Variants in NCKAP5 observed in about 807,000 individuals in gnomAD.
The protein encoded by NCKAP5 is nck-associated protein 5.
In NCKAP5, 92 loss-of-function variants were observed where a neutral mutation model predicts 167.0. The ratio of observed to expected loss-of-function variants is 0.55; its 90% CI spans 0.47 to 0.66. NCKAP5 has a LOEUF of 0.66. Among genes scored for constraint, NCKAP5 ranks in the 30% least tolerant of loss-of-function variants. The pLI is 0.00. For synonymous variants in NCKAP5, 891 were observed against 877.4 expected, an observed-to-expected ratio of 1.02 and a Z score of -0.27; for missense variants, 2,378 against 2,315.0, an observed-to-expected ratio of 1.03 and a Z score of -0.56.
In NCKAP5 at chr2:132,725,614, C is replaced by T. The variant is rs770854710; in HGVS notation, c.5713+13G>A. 1.9e-5 allele frequency: 31 copies of T among 1,601,844 alleles called. No homozygotes were observed. The Middle Eastern group carries it at 8.3e-4, about 43-fold the overall frequency. On this transcript the variant is annotated intron_variant, in intron 19 of 19. Coordinates refer to ENST00000409261, the MANE Select transcript of NCKAP5 (RefSeq NM_207363.3). ...GAGGAACCTGCAGGGCCAGCAAGTT[C>T]GCTGGTTGTTACCTGGGGCAGCGCT...
chr2:133,219,612 G>A (rs2086573831), intron 4 of NCKAP5, among the ~76,000 whole-genome samples: 1 of 151,714 alleles, frequency 6.6e-6, no homozygotes, highest in African/African-American at 2.4e-5. Context: ...GGTTTCCAAT[G>A]CTAAAACACA....
intron 2 of NCKAP5, among the ~76,000 whole-genome samples, chr2:133,535,365 T>C (rs1320047595): frequency 6.6e-6 from 1 of 152,136 alleles, no homozygotes; most frequent in Admixed American, 6.5e-5. Context: ...GTTTAACTCC[T>C]GCTTTTAAGT....
chr2:133,590,938 AG>A, the NCKAP5 span, among the ~76,000 whole-genome samples: 2 of 149,174 alleles, frequency 1.3e-5, no homozygotes, highest in African/African-American at 2.5e-5. Context: ...AGAGAGAGAG[AG>A]AGAGAGTGTT....
At chr2:133,531,236 T>C (rs1685336868) in intron 2 of NCKAP5, among the ~76,000 whole-genome samples, 1 of 152,120 alleles carries the variant, frequency 6.6e-6, no homozygotes, top group Non-Finnish European at 1.5e-5. Flanking sequence ...ATAAATATTT[T>C]ATTAATAACT....
chr2:132,949,647 T>A (rs2076124105), intron 8 of NCKAP5, among the ~76,000 whole-genome samples: 1 of 152,158 alleles, frequency 6.6e-6, no homozygotes, highest in Non-Finnish European at 1.5e-5. Flanking sequence ...TCAGTAGCCC[T>A]CATCTCCTAA....
rs375516676 is a variant in NCKAP5, at chr2:133,567,657, C to CTCTGTGTG, written c.-130+558_-130+559insCACACAGA. 8.2e-3 allele frequency among the ~76,000 whole-genome samples: 1,068 copies of CTCTGTGTG among 130,978 alleles called. 17 individuals are homozygous for CTCTGTGTG. Among genetic ancestry groups the CTCTGTGTG allele is most frequent in the African/African-American group, 0.022 (783 of 35,974 alleles). 85.9% of individuals were successfully genotyped at this position (130,978 alleles called of 152,430 possible). On this transcript the variant is annotated intron_variant, in intron 1 of 19. Transcript: ENST00000409261. ...TACACATTCCTGAGGATGAATGAGCCTGTGTGTGTGTGTGTGTGTGTGTGT... is the reference window on the plus strand; with the variant it reads ...TACACATTCCTGAGGATGAATGAGCCTCTGTGTGTGTGTGTGTGTGTGTGTGTGTGTGT...
intron 16 of NCKAP5, among the ~76,000 whole-genome samples, chr2:132,737,892 C>A (rs1574041737): frequency 6.6e-6 from 1 of 152,208 alleles, no homozygotes; most frequent in East Asian, 1.9e-4. Context: ...TCCATGATTG[C>A]TCTTATTCTA....
At chr2:132,903,409 A>T (rs559503599) in intron 8 of NCKAP5, among the ~76,000 whole-genome samples, 73 of 152,290 alleles carry the variant, frequency 4.8e-4, no homozygotes, top group African/African-American at 1.6e-3. Context: ...CATAGTTTTA[A>T]CTTTATTAAC....
At chr2:133,594,945 C>T in the NCKAP5 span, among the ~76,000 whole-genome samples, 1 of 152,126 alleles carries the variant, frequency 6.6e-6, no homozygotes, top group Admixed American at 6.5e-5. Flanking sequence ...AATGAGACAA[C>T]ATCCCACCCT....
At chr2:133,451,425 G>A (rs921740207) in intron 3 of NCKAP5, among the ~76,000 whole-genome samples, 2 of 152,142 alleles carry the variant, frequency 1.3e-5, no homozygotes, top group East Asian at 1.9e-4. Context: ...ATCCTTTTCA[G>A]TAATCAACTT....
chr2:133,603,505 G>A, the NCKAP5 span, among the ~76,000 whole-genome samples: 215 of 152,040 alleles, frequency 1.4e-3, no homozygotes, highest in Non-Finnish European at 2.7e-3. Context: ...GATTACAGGC[G>A]TGAGCCACCG....
At chr2:133,430,149 C>T (rs528777136) in intron 3 of NCKAP5, among the ~76,000 whole-genome samples, 155 of 152,100 alleles carry the variant, frequency 1.0e-3, no homozygotes, top group South Asian at 4.1e-3. Context: ...ATGTCCTTTG[C>T]TCTTCTTGAT....
chr2:132,732,746 C>T lies in NCKAP5; in HGVS notation c.5129-695G>A, dbSNP rs116613996. 6.6e-3 allele frequency among the ~76,000 whole-genome samples: 1,010 copies of T among 152,260 alleles called. 14 individuals carry two copies. The highest frequency in any genetic ancestry group is 0.022 in the African/African-American group (934 of 41,548). The stretch of plus-strand genomic sequence containing the variant: ...AATGAGAACACATAAATTGAAGTGA[C>T]GTCCTAACAATGGTAATTGTGTATC... On this transcript the variant is annotated intron_variant, in intron 16 of 19. Transcript: ENST00000409261.
Position 133,078,491 on chromosome 2 carries a change from C to T in NCKAP5, c.341+51487G>A, listed in dbSNP as rs375679075. Among the ~76,000 whole-genome samples the T allele has an allele frequency of 1.4e-4, 21 of 152,152 alleles. No homozygotes were observed. In the East Asian group the frequency reaches 3.7e-3, roughly 27 times the overall value. On this transcript the variant is annotated intron_variant, in intron 6 of 19. Coordinates refer to ENST00000409261, the MANE Select transcript of NCKAP5 (RefSeq NM_207363.3). ...GCCAACTCTGCATGGGGAGATTCCC[C>T]CAGGACCTCTGCTGCTGGATGGTGA...
At chr2:133,318,187 A>G (rs542925319) in intron 3 of NCKAP5, among the ~76,000 whole-genome samples, 1 of 152,326 alleles carries the variant, frequency 6.6e-6, no homozygotes, top group African/African-American at 2.4e-5. Context: ...TGCCAATCAT[A>G]CAGGGAAGAT....
At position 133,339,616 on chromosome 2, in the gene NCKAP5, G is replaced by A. The variant is rs577984045; in HGVS notation, c.70-36506C>T. 1.3e-4 allele frequency among the ~76,000 whole-genome samples: 20 copies of A among 152,244 alleles called. No homozygotes were observed. The East Asian group carries it at 3.5e-3, about 26-fold the overall frequency. On this transcript the variant is annotated intron_variant, in intron 3 of 19. Coordinates refer to ENST00000409261, the MANE Select transcript of NCKAP5 (RefSeq NM_207363.3). ...TTAATTTATTTCTGCCAAGACAGAT[G>A]GCCTTCTCCTTGATACCAATGGGGA...
chr2:133,024,145 G>C lies in NCKAP5; in HGVS notation c.342-29906C>G, dbSNP rs180822723. Among the ~76,000 whole-genome samples the C allele has an allele frequency of 3.4e-3, 525 of 152,244 alleles. 2 individuals carry two copies. The highest frequency in any genetic ancestry group is 5.9e-3 in the Non-Finnish European group (402 of 68,012). ...ACTTCACAGTTCTTCAATGCATATT[G>C]GGATTAAGTTTGCAGATATAGTACA... On this transcript the variant is annotated intron_variant, in intron 6 of 19. Coordinates refer to ENST00000409261, the MANE Select transcript of NCKAP5 (RefSeq NM_207363.3).
rs562247134 is a variant in NCKAP5, at chr2:132,956,659, T to C, written c.579+7061A>G. The stretch of plus-strand genomic sequence containing the variant: ...TTCTCTTCAGTTTTGACTCTCTCCA[T>C]GTCTGACCCACTTCAGGCCTGTCTA... On this transcript the variant is annotated intron_variant, in intron 8 of 19. Coordinates refer to ENST00000409261, the MANE Select transcript of NCKAP5 (RefSeq NM_207363.3). Among the ~76,000 whole-genome samples, 5 of 152,312 alleles carry C rather than the reference T, an allele frequency of 3.3e-5. No homozygotes were observed. In the South Asian group the frequency reaches 1.0e-3, roughly 32 times the overall value.
intron 11 of NCKAP5, among the ~76,000 whole-genome samples, chr2:132,825,161 T>C (rs1687036656): frequency 6.6e-6 from 1 of 152,230 alleles, no homozygotes; most frequent in African/African-American, 2.4e-5. Flanking sequence ...TAATTCATAA[T>C]GTTACACAGC....
Sources: allele counts gnomAD v4.1 joint callset (sites outside exome capture counted in the v4.1 genomes callset), GRCh38; gene constraint gnomAD v4.1.1; transcripts MANE v1.5; gene names NCBI Gene and HGNC (gene_info 2026-07-23, HGNC 2026-07-21).